The following DLG2 variants were observed in gnomAD, a reference collection of about 807,000 sequenced individuals.
The protein encoded by DLG2 is discs large MAGUK scaffold protein 2.
DLG2 carries 45 observed loss-of-function variants against 132.5 expected under a neutral mutation model. That is an observed-to-expected ratio of 0.34 (90% CI 0.27 to 0.44). The LOEUF (loss-of-function observed/expected upper bound fraction) is 0.44. Ranked by LOEUF, DLG2 falls within the 20% of genes least tolerant of loss-of-function variation. DLG2 has a pLI of 1.00. For synonymous variants in DLG2, 424 were observed against 419.6 expected (o/e 1.01, Z -0.13); for missense variants, 1,045 against 1,196.9 (o/e 0.87, Z 1.87).
chr11:85,188,945 C>A (rs1434847452), intron 4 of DLG2, among the ~76,000 whole-genome samples: 1 of 152,070 alleles, frequency 6.6e-6, no homozygotes, highest in African/African-American at 2.4e-5. Context: ...AAGCCCCAAG[C>A]TTTTAAAATT....
intron 19 of DLG2, among the ~76,000 whole-genome samples, chr11:83,559,592 T>C (rs1242002311): frequency 1.3e-5 from 2 of 152,166 alleles, no homozygotes; most frequent in African/African-American, 4.8e-5. Flanking sequence ...TCCTTCTCTC[T>C]CAAATTAACA....
chr11:83,750,764 C>A (rs889864199), intron 18 of DLG2, among the ~76,000 whole-genome samples: 6 of 152,138 alleles, frequency 3.9e-5, no homozygotes, highest in Non-Finnish European at 8.8e-5. Flanking sequence ...AAAGAACACA[C>A]TAAATATGAT....
At chr11:85,037,374 T>A (rs558186280) in intron 6 of DLG2, among the ~76,000 whole-genome samples, 68 of 152,322 alleles carry the variant, frequency 4.5e-4, no homozygotes, top group African/African-American at 1.2e-3. Context: ...TCTTCCTTTA[T>A]AAGTTGAGGA....
chr11:85,098,745 TTTA>T (rs1470475727), intron 6 of DLG2, among the ~76,000 whole-genome samples: 1 of 152,174 alleles, frequency 6.6e-6, no homozygotes, highest in Non-Finnish European at 1.5e-5. Context: ...AATTATCATG[TTTA>T]TTTTTTTTTA....
At chr11:85,569,090 G>A (rs1187364086) in intron 3 of DLG2, among the ~76,000 whole-genome samples, 1 of 152,160 alleles carries the variant, frequency 6.6e-6, no homozygotes, top group Non-Finnish European at 1.5e-5. Context: ...CAAGTGCAAT[G>A]GTGTGATCTC....
intron 8 of DLG2, among the ~76,000 whole-genome samples, chr11:84,193,762 G>A (rs1391650561): frequency 1.3e-5 from 2 of 152,186 alleles, no homozygotes; most frequent in Non-Finnish European, 2.9e-5. Context: ...CAACAATAAT[G>A]TAGATGTTTC....
chr11:83,501,520 A>G (rs543836164), intron 21 of DLG2, among the ~76,000 whole-genome samples: 4 of 152,298 alleles, frequency 2.6e-5, no homozygotes, highest in Non-Finnish European at 4.4e-5. Flanking sequence ...CTGTTTCTTC[A>G]TATATAAAAG....
intron 7 of DLG2, among the ~76,000 whole-genome samples, chr11:84,380,641 C>T (rs185867274): frequency 9.4e-4 from 142 of 151,458 alleles, no homozygotes; most frequent in African/African-American, 3.3e-3. Context: ...GTATGAAAAC[C>T]AATAAGCAAA....
At chr11:85,048,424 T>C (rs950219765) in intron 6 of DLG2, among the ~76,000 whole-genome samples, 1 of 151,940 alleles carries the variant, frequency 6.6e-6, no homozygotes, top group African/African-American at 2.4e-5. Flanking sequence ...TCTACAGCCA[T>C]GATTAAGATA....
intron 15 of DLG2, among the ~76,000 whole-genome samples, chr11:83,899,684 T>TCC (rs10683126): frequency 0.42 from 64,004 of 151,938 alleles, 13,865 homozygotes; most frequent in South Asian, 0.6. Context: ...TTGTGAGGTC[T>TCC]CCAGCCACGT....
intron 6 of DLG2, among the ~76,000 whole-genome samples, chr11:84,969,207 G>A (rs1000026177): frequency 2.0e-5 from 3 of 152,080 alleles, no homozygotes; most frequent in Non-Finnish European, 4.4e-5. Flanking sequence ...AGGGAGCACC[G>A]TCAAGAAACA....
At chr11:84,658,887 T>C (rs767899434) in intron 6 of DLG2, among the ~76,000 whole-genome samples, 3 of 152,176 alleles carry the variant, frequency 2.0e-5, no homozygotes, top group African/African-American at 7.2e-5. Context: ...CAATGCACAC[T>C]GGACTAACAC....
chr11:84,476,674 G>A lies in DLG2; in HGVS notation c.519+57896C>T, dbSNP rs77876216. Among the ~76,000 whole-genome samples, 590 of 152,272 alleles carry A rather than the reference G, an allele frequency of 3.9e-3. 4 individuals are homozygous for A. Among genetic ancestry groups the A allele is most frequent in the African/African-American group, 0.014 (570 of 41,556 alleles). ...ATTCTGTTTGGCTGTCTCCCAGGAG[G>A]CTTGCCTTTGGAATTCAACCTTTAT... On this transcript the variant is annotated intron_variant, in intron 7 of 27. Transcript: ENST00000376104.
intron 8 of DLG2, among the ~76,000 whole-genome samples, chr11:84,184,419 G>GTT (rs546815331): frequency 4.6e-5 from 7 of 150,860 alleles, no homozygotes; most frequent in African/African-American, 1.7e-4. Flanking sequence ...TTTTTGATGA[G>GTT]TTTTTTTTTC....
intron 15 of DLG2, among the ~76,000 whole-genome samples, chr11:83,887,447 G>A (rs1246695136): frequency 1.2e-4 from 18 of 152,010 alleles, no homozygotes; most frequent in Non-Finnish European, 2.5e-4. Context: ...TGAAATTGTG[G>A]CAATAATCAA....
intron 3 of DLG2, among the ~76,000 whole-genome samples, chr11:85,442,308 C>T (rs1376006689): frequency 1.3e-5 from 2 of 152,070 alleles, no homozygotes; most frequent in Non-Finnish European, 2.9e-5. Flanking sequence ...TAAGTCAACT[C>T]CTAAAGTACT....
At chr11:85,001,099 G>C (rs561685358) in intron 6 of DLG2, among the ~76,000 whole-genome samples, 1 of 151,786 alleles carries the variant, frequency 6.6e-6, no homozygotes, top group East Asian at 1.9e-4. Flanking sequence ...GTTATAGAAA[G>C]AACTTTTTTT....
chr11:83,688,533 AATAAACTTCACCCTCTT>A (rs1272289720), intron 18 of DLG2, among the ~76,000 whole-genome samples: 1 of 152,196 alleles, frequency 6.6e-6, no homozygotes, highest in Non-Finnish European at 1.5e-5. Flanking sequence ...GGAGAGTGTT[AATAAACTTCACCCTCTT>A]ATTGAACATT....
intron 6 of DLG2, among the ~76,000 whole-genome samples, chr11:84,550,133 CACACACACACACACACAT>C (rs1412366274): frequency 2.0e-5 from 3 of 151,830 alleles, no homozygotes; most frequent in African/African-American, 7.3e-5. Flanking sequence ...CACACACACA[CACACACACACACACACAT>C]ACACACACAT....
Sources: gnomAD v4.1 joint callset for allele counts (sites outside exome capture counted in the v4.1 genomes callset) on GRCh38, gnomAD v4.1.1 for gene constraint, MANE v1.5 for transcripts, NCBI Gene and HGNC (gene_info 2026-07-23, HGNC 2026-07-21) for gene names.